The following GALNT13 variants were observed in gnomAD, a reference collection of about 807,000 sequenced individuals.
GALNT13 encodes polypeptide N-acetylgalactosaminyltransferase 13, also known as UDP-GalNAc:polypeptide N-acetylgalactosaminyltransferase 13.
Under a neutral mutation model 64.2 loss-of-function variants are expected in GALNT13, and 28 were observed. That is an observed-to-expected ratio of 0.44 (90% CI 0.32 to 0.60). The LOEUF (loss-of-function observed/expected upper bound fraction) is 0.60. Among genes scored for constraint, GALNT13 ranks in the 20% least tolerant of loss-of-function variants. The probability of loss-of-function intolerance (pLI) is 0.05; values close to 1 mark genes in which losing one functional copy is unlikely to be tolerated. For synonymous variants in GALNT13, 214 were observed against 224.6 expected, an observed-to-expected ratio of 0.95 and a Z score of 0.42; for missense variants, 577 against 669.8, an observed-to-expected ratio of 0.86 and a Z score of 1.53.
intron 9 of GALNT13, among the ~76,000 whole-genome samples, chr2:154,381,615 G>A (rs1005118133): frequency 1.1e-4 from 16 of 152,032 alleles, no homozygotes; most frequent in Non-Finnish European, 1.3e-4. Context: ...AGGAACAGAG[G>A]TTAAGGACAC....
At chr2:153,494,753 A>G in the GALNT13 span, among the ~76,000 whole-genome samples, 1 of 152,110 alleles carries the variant, frequency 6.6e-6, no homozygotes, top group African/African-American at 2.4e-5. Flanking sequence ...ATGGTAACTT[A>G]GATTTCATCA....
chr2:153,767,703 G>T, the GALNT13 span, among the ~76,000 whole-genome samples: 3 of 151,776 alleles, frequency 2.0e-5, no homozygotes, highest in African/African-American at 7.3e-5. Context: ...GATCATTACT[G>T]ATGTTGAGCA....
the GALNT13 span, among the ~76,000 whole-genome samples, chr2:153,842,417 A>G: frequency 6.6e-6 from 1 of 152,110 alleles, no homozygotes; most frequent in African/African-American, 2.4e-5. Context: ...GGTCCTGGAT[A>G]ATTCTCAAGA....
At chr2:153,856,898 T>C in the GALNT13 span, among the ~76,000 whole-genome samples, 2 of 152,116 alleles carry the variant, frequency 1.3e-5, no homozygotes, top group South Asian at 4.1e-4. Flanking sequence ...ATCTATAAGT[T>C]ATAGAACTGT....
At chr2:153,294,951 G>A in the GALNT13 span, among the ~76,000 whole-genome samples, 1 of 152,136 alleles carries the variant, frequency 6.6e-6, no homozygotes, top group African/African-American at 2.4e-5. Flanking sequence ...GATCTTATTG[G>A]ACTGTGAAGA....
chr2:154,208,626 G>C (rs987269158), intron 4 of GALNT13, among the ~76,000 whole-genome samples: 1 of 6,526 alleles, frequency 1.5e-4, no homozygotes, highest in African/African-American at 5.3e-4. Flanking sequence ...TTGCGTGTCT[G>C]TGTGTGTGTG....
the GALNT13 span, among the ~76,000 whole-genome samples, chr2:153,308,664 G>A: frequency 6.6e-6 from 1 of 152,184 alleles, no homozygotes; most frequent in Non-Finnish European, 1.5e-5. Context: ...GAAAGATCAA[G>A]CTTGCAGATG....
chr2:154,241,083 C>A (rs1046355016), intron 4 of GALNT13, among the ~76,000 whole-genome samples: 2 of 152,116 alleles, frequency 1.3e-5, no homozygotes, highest in African/African-American at 4.8e-5. Flanking sequence ...CCTCTCCACA[C>A]CCAGCTGTCT....
At chr2:154,290,132 C>A (rs1013741578) in intron 8 of GALNT13, among the ~76,000 whole-genome samples, 1 of 152,074 alleles carries the variant, frequency 6.6e-6, no homozygotes, top group African/African-American at 2.4e-5. Context: ...GATTTACTGC[C>A]GGGGCAAGTC....
the GALNT13 span, among the ~76,000 whole-genome samples, chr2:153,691,057 G>A: frequency 3.3e-5 from 5 of 152,194 alleles, no homozygotes; most frequent in Admixed American, 6.6e-5. Context: ...CAGCTCAATC[G>A]TGATTGACCA....
chr2:153,481,825 T>C, the GALNT13 span, among the ~76,000 whole-genome samples: 2 of 152,232 alleles, frequency 1.3e-5, no homozygotes, highest in Admixed American at 1.3e-4. Context: ...AAAAGATTTT[T>C]GATTTTCTCT....
the GALNT13 span, among the ~76,000 whole-genome samples, chr2:153,193,966 C>A: frequency 2.6e-5 from 4 of 151,988 alleles, no homozygotes; most frequent in South Asian, 8.3e-4. Context: ...AAGTCTGCTG[C>A]TAGTCTGGCG....
the GALNT13 span, among the ~76,000 whole-genome samples, chr2:153,448,309 A>G: frequency 2.6e-5 from 4 of 152,172 alleles, no homozygotes; most frequent in Non-Finnish European, 4.4e-5. Context: ...GAAACCTTGA[A>G]GCCAACTTAT....
intron 1 of GALNT13, among the ~76,000 whole-genome samples, chr2:153,878,442 A>T (rs1223901342): frequency 6.6e-6 from 1 of 152,200 alleles, no homozygotes; most frequent in African/African-American, 2.4e-5. Context: ...ACTTGATGAC[A>T]TAATGCTTAT....
chr2:153,710,374 C>T, the GALNT13 span, among the ~76,000 whole-genome samples: 2 of 152,192 alleles, frequency 1.3e-5, no homozygotes, highest in Middle Eastern at 3.4e-3. Context: ...GAAAAAATCA[C>T]AGACACTCAG....
chr2:153,092,409 G>A, the GALNT13 span, among the ~76,000 whole-genome samples: 3 of 152,032 alleles, frequency 2.0e-5, no homozygotes, highest in Non-Finnish European at 4.4e-5. Context: ...GGATTACATT[G>A]AGTCTGTAGA....
chr2:154,053,416 T>C (rs991279529), intron 3 of GALNT13, among the ~76,000 whole-genome samples: 11 of 152,070 alleles, frequency 7.2e-5, no homozygotes, highest in South Asian at 2.1e-4. Flanking sequence ...CTTCTTGCCC[T>C]CTCCTTTAAA....
At chr2:153,077,370 GT>G in the GALNT13 span, among the ~76,000 whole-genome samples, 1 of 152,090 alleles carries the variant, frequency 6.6e-6, no homozygotes, top group Non-Finnish European at 1.5e-5. Context: ...ATTTTAAGGA[GT>G]TTTTGTGACT....
chr2:153,501,219 A>G, the GALNT13 span, among the ~76,000 whole-genome samples: 1 of 152,250 alleles, frequency 6.6e-6, no homozygotes, highest in Admixed American at 6.5e-5. Flanking sequence ...CAAAGAAGGC[A>G]AAGCTTTTAC....
Sources: allele counts gnomAD v4.1 joint callset (sites outside exome capture counted in the v4.1 genomes callset), GRCh38; gene constraint gnomAD v4.1.1; transcripts MANE v1.5; gene names NCBI Gene and HGNC (gene_info 2026-07-23, HGNC 2026-07-21).